The following CCDC171 variants were observed in gnomAD, a reference collection of about 807,000 sequenced individuals.
CCDC171 encodes coiled-coil domain containing 171, also known as coiled-coil domain-containing protein 171.
Under a neutral mutation model 168.2 loss-of-function variants are expected in CCDC171, and 177 were observed. That is an observed-to-expected ratio of 1.05 (90% CI 0.93 to 1.19). The LOEUF (loss-of-function observed/expected upper bound fraction) is 1.19, where lower values mean the gene tolerates loss of function less well. Ranked by LOEUF, CCDC171 falls within the 50% of genes most tolerant of loss-of-function variation. The pLI is 0.00. For missense variants in CCDC171, 1,991 were observed against 1,539.0 expected (o/e 1.29, Z -4.91); for synonymous variants, 687 against 540.8 (o/e 1.27, Z -3.75).
chr9:15,720,690 T>A (rs973980767), intron 11 of CCDC171, among the ~76,000 whole-genome samples: 3 of 152,250 alleles, frequency 2.0e-5, no homozygotes, highest in Non-Finnish European at 4.4e-5. Context: ...TCAATTTTTT[T>A]AGTATATTTT....
At chr9:15,842,213 A>G (rs760480086) in intron 21 of CCDC171, among the ~76,000 whole-genome samples, 1 of 151,986 alleles carries the variant, frequency 6.6e-6, no homozygotes, top group Non-Finnish European at 1.5e-5. Context: ...ATCCATAGAT[A>G]TTTCCCATTA....
intron 10 of CCDC171, among the ~76,000 whole-genome samples, chr9:15,693,207 T>TAC (rs1305752049): frequency 5.5e-5 from 1 of 18,240 alleles, no homozygotes; most frequent in Non-Finnish European, 1.6e-4. Context: ...TACAAATAGG[T>TAC]ACACACAGAC....
At chr9:16,082,818 C>T in the CCDC171 span, among the ~76,000 whole-genome samples, 190 of 152,216 alleles carry the variant, frequency 1.2e-3, no homozygotes, top group Non-Finnish European at 2.1e-3. Context: ...TCCATTTTTC[C>T]GAGAAAGCTT....
chr9:16,064,288 T>A (rs1359387512), downstream of CCDC171, among the ~76,000 whole-genome samples: 1 of 152,128 alleles, frequency 6.6e-6, no homozygotes, highest in African/African-American at 2.4e-5. Flanking sequence ...GTATCCAAGT[T>A]TCCAATATTA....
At chr9:15,617,976 CA>C (rs1426436022) in intron 6 of CCDC171, among the ~76,000 whole-genome samples, 1 of 152,076 alleles carries the variant, frequency 6.6e-6, no homozygotes, top group Non-Finnish European at 1.5e-5. Flanking sequence ...AGTCAGGAGG[CA>C]GGGGGGTCAG....
chr9:15,740,435 TTGTGTG>T (rs371147420), intron 16 of CCDC171, among the ~76,000 whole-genome samples: 1 of 150,206 alleles, frequency 6.7e-6, no homozygotes, highest in Non-Finnish European at 1.5e-5. Flanking sequence ...AGGTTTTTGT[TTGTGTG>T]TGTGTGTGTG....
chr9:15,700,535 C>T (rs1047755245), intron 11 of CCDC171, among the ~76,000 whole-genome samples: 2 of 152,368 alleles, frequency 1.3e-5, no homozygotes, highest in African/African-American at 2.4e-5. Flanking sequence ...CGCCAAGGTT[C>T]GAGCCCAGGC....
rs2062069403 is a variant in CCDC171 at position 15,872,211 on chromosome 9, T to C, written c.3469-2321T>C. Among the ~76,000 whole-genome samples the C allele has an allele frequency of 1.3e-5, 2 of 152,022 alleles. 1 individual carries two copies. Among genetic ancestry groups the C allele is most frequent in the South Asian group, 4.1e-4 (2 of 4,834 alleles). On this transcript the variant is annotated intron_variant, in intron 23 of 25. Transcript: ENST00000380701. ...TGTTCATCATTAGGTGTAGCAAAAA[T>C]AGCTGCATTTTGCAAGTTTTTTTTA...
intron 25 of CCDC171, among the ~76,000 whole-genome samples, chr9:15,965,042 C>T (rs1368475281): frequency 6.6e-6 from 1 of 152,108 alleles, no homozygotes; most frequent in Non-Finnish European, 1.5e-5. Context: ...GGATTACAGG[C>T]GTGAGCTACC....
chr9:15,677,316 A>G lies in CCDC171; in HGVS notation c.1077-1442A>G, dbSNP rs1341514716. Among the ~76,000 whole-genome samples, 4 of 151,968 alleles carry G rather than the reference A, an allele frequency of 2.6e-5. No homozygotes were observed. The South Asian group carries it at 8.3e-4, about 32-fold the overall frequency. ...CACGTGTTTATTTTAAATTCAAGCT[A>G]CTCTGCCTTGGAATATTCCTAATCT... is the stretch of plus-strand genomic sequence containing the variant. On this transcript the variant is annotated intron_variant, in intron 9 of 25. Transcript: ENST00000380701.
chr9:15,877,919 C>G (rs975026492), intron 24 of CCDC171, among the ~76,000 whole-genome samples: 2 of 151,954 alleles, frequency 1.3e-5, no homozygotes, highest in Non-Finnish European at 2.9e-5. Flanking sequence ...CAGTAGTAAA[C>G]AATAAATAAT....
chr9:15,992,635 G>A (rs28785896), intron 3 of CCDC171, among the ~76,000 whole-genome samples: 7,148 of 152,176 alleles, frequency 0.047, 565 homozygotes, highest in African/African-American at 0.16. Flanking sequence ...ATTCAACTAC[G>A]AAAAGAGGAA....
chr9:15,869,628 C>G (rs1262759089), intron 23 of CCDC171, among the ~76,000 whole-genome samples: 2 of 150,620 alleles, frequency 1.3e-5, no homozygotes, highest in African/African-American at 4.9e-5. Flanking sequence ...TATGCCTTTT[C>G]TACTTGTTTA....
chr9:16,023,705 T>C (rs1346732244), intron 6 of CCDC171, among the ~76,000 whole-genome samples: 1 of 151,970 alleles, frequency 6.6e-6, no homozygotes, highest in South Asian at 2.1e-4. Context: ...TTATTCAACT[T>C]TTTTTTTGCT....
In CCDC171 at chr9:15,653,318, T is replaced by C. The variant is rs1020060692; in HGVS notation, c.823-3809T>C. 3.9e-5 allele frequency among the ~76,000 whole-genome samples: 6 copies of C among 152,204 alleles called. No homozygotes were observed. In the East Asian group the frequency reaches 7.7e-4, roughly 20 times the overall value. On this transcript the variant is annotated intron_variant, in intron 7 of 25. Coordinates refer to ENST00000380701, the MANE Select transcript of CCDC171 (RefSeq NM_173550.4). ...CCATGCCTGGCTAATTTTTGAATTTTTTTTGTAGAATTGGTGCTTCACCAT... is the reference window on the plus strand; with the variant it reads ...CCATGCCTGGCTAATTTTTGAATTTCTTTTGTAGAATTGGTGCTTCACCAT...
the CCDC171 span, among the ~76,000 whole-genome samples, chr9:16,096,928 C>G: frequency 6.6e-6 from 1 of 152,222 alleles, no homozygotes; most frequent in African/African-American, 2.4e-5. Context: ...ACAATTAGCA[C>G]TGATGAAAGC....
chr9:15,886,807 A>C (rs1483530823), intron 24 of CCDC171: 1 of 151,700 alleles, frequency 6.6e-6, no homozygotes. Context: ...TTCAGCTTTA[A>C]AAAATAAAGG....
At chr9:15,612,906 A>T (rs1458916421) in intron 6 of CCDC171, among the ~76,000 whole-genome samples, 1 of 152,128 alleles carries the variant, frequency 6.6e-6, no homozygotes, top group Non-Finnish European at 1.5e-5. Flanking sequence ...ACTTTTCTGC[A>T]GGTTTATGTA....
chr9:15,789,722 G>A (rs2058149735), intron 21 of CCDC171, among the ~76,000 whole-genome samples: 1 of 151,570 alleles, frequency 6.6e-6, no homozygotes, highest in African/African-American at 2.4e-5. Flanking sequence ...ATTTACATTA[G>A]GTATATCTCC....
Sources: allele counts gnomAD v4.1 joint callset (sites outside exome capture counted in the v4.1 genomes callset), GRCh38; gene constraint gnomAD v4.1.1; transcripts MANE v1.5; gene names NCBI Gene and HGNC (gene_info 2026-07-23, HGNC 2026-07-21).